EEA1: variants seen among roughly 807,000 people sequenced by gnomAD.
EEA1 encodes the protein early endosome antigen 1.
EEA1 carries 111 observed loss-of-function variants against 209.2 expected under a neutral mutation model. That is an observed-to-expected ratio of 0.53 (90% CI 0.45 to 0.62). The LOEUF is 0.62. EEA1 is among the 20% of genes least tolerant of loss of function. The probability of loss-of-function intolerance (pLI) is 0.00; values close to 1 mark genes in which losing one functional copy is unlikely to be tolerated. For synonymous variants in EEA1, 536 were observed against 540.6 expected (o/e 0.99, Z 0.12); for missense variants, 1,343 against 1,530.8 (o/e 0.88, Z 2.05).
chr12:92,929,234 G>A lies in EEA1; in HGVS notation c.-168C>T. 3.5e-6 allele frequency: 2 copies of A among 574,982 alleles called. No homozygotes were observed. The highest frequency in any genetic ancestry group is 5.8e-6 in the Non-Finnish European group (2 of 343,454). The allele number at this position is 574,982 out of a possible 1,614,324, so 35.6% of individuals were successfully genotyped here. ...TCGGGCGGCCCCGACTTCCCCACAG[G>A]CGGCGAGAGGGAGCACGCGAGAGAG... On this transcript the variant is annotated 5_prime_UTR_variant, in exon 1 of 29. Transcript: ENST00000322349.
intron 21 of EEA1, among the ~76,000 whole-genome samples, chr12:92,790,477 A>G (rs922711461): frequency 5.9e-5 from 9 of 152,232 alleles, no homozygotes; most frequent in Non-Finnish European, 1.0e-4. Flanking sequence ...CGAGAACTTC[A>G]TGACACATGC....
At chr12:92,808,242 G>A (rs979276979) in intron 18 of EEA1, among the ~76,000 whole-genome samples, 1 of 152,060 alleles carries the variant, frequency 6.6e-6, no homozygotes, top group Non-Finnish European at 1.5e-5. Flanking sequence ...TGACTAGAAG[G>A]GCAAGTGAGA....
intron 2 of EEA1, among the ~76,000 whole-genome samples, chr12:92,869,532 C>A (rs950255160): frequency 6.6e-6 from 1 of 150,780 alleles, no homozygotes; most frequent in Non-Finnish European, 1.5e-5. Flanking sequence ...TGACTTGAGG[C>A]CAGGAGTTCT....
rs530112922 is a variant in EEA1, at chr12:92,801,788, G to A, written c.2671-87C>T. The A allele has an allele frequency of 8.5e-5, 72 of 850,898 alleles. 1 individual carries two copies. Among genetic ancestry groups the A allele is most frequent in the South Asian group, 8.3e-4 (32 of 38,492 alleles). 52.7% of individuals were successfully genotyped at this position (850,898 alleles called of 1,614,324 possible). The stretch of plus-strand genomic sequence containing the variant: ...TTTATAACCTTAGTAAGATACACAC[G>A]AAGAAATAAACTAAAATTATGATGA... On this transcript the variant is annotated intron_variant, in intron 19 of 28. Transcript: ENST00000322349.
chr12:92,896,505 T>A (rs1879892196), intron 1 of EEA1, among the ~76,000 whole-genome samples: 1 of 152,170 alleles, frequency 6.6e-6, no homozygotes, highest in Admixed American at 6.5e-5. Context: ...TAAGATGCTA[T>A]CAAACAGCAT....
chr12:92,858,301 G>A (rs2136716129), intron 3 of EEA1: 1 of 745,498 alleles, frequency 1.3e-6, no homozygotes, highest in South Asian at 1.4e-5. Flanking sequence ...ATTACATCCA[G>A]AGCTGCTGTT....
chr12:92,819,734 CTTAACCACGT>C (rs1481709272), intron 13 of EEA1, among the ~76,000 whole-genome samples: 2 of 152,024 alleles, frequency 1.3e-5, no homozygotes, highest in Non-Finnish European at 2.9e-5. Context: ...AAAACTCTCA[CTTAACCACGT>C]TTTTTTTCTA....
Position 92,777,459 on chromosome 12 carries a change from GA to G in EEA1, c.4014+83del. 2.1e-6 allele frequency: 3 copies of G among 1,412,936 alleles called. No homozygotes were observed. The South Asian group carries it at 4.5e-5, about 21-fold the overall frequency. The allele number at this position is 1,412,936 out of a possible 1,614,324, so 87.5% of individuals were successfully genotyped here. On this transcript the variant is annotated intron_variant, in intron 27 of 28. Transcript: ENST00000322349. ...ATTTGAAAGTATTTATAAAACATGAGATTTTTTAAAAGGTAAAAATATGCTT... is the reference window on the plus strand; with the variant it reads ...ATTTGAAAGTATTTATAAAACATGAGTTTTTTAAAAGGTAAAAATATGCTT...
intron 18 of EEA1, among the ~76,000 whole-genome samples, chr12:92,805,277 T>C (rs534127968): frequency 6.6e-6 from 1 of 152,144 alleles, no homozygotes; most frequent in Non-Finnish European, 1.5e-5. Flanking sequence ...AGGCACAAGA[T>C]GCAATTCTAT....
chr12:92,809,523 T>TAAAAAAAAAA (rs57998627), intron 17 of EEA1, among the ~76,000 whole-genome samples: 1 of 107,024 alleles, frequency 9.3e-6, no homozygotes, highest in Non-Finnish European at 1.9e-5. Flanking sequence ...TTATCTCTAC[T>TAAAAAAAAAA]AAAAAAAAAA....
rs752363015 is a variant in EEA1, at chr12:92,778,021, C to T, written c.3813G>A (p.Thr1271=). The T allele has an allele frequency of 1.4e-5, 23 of 1,613,290 alleles. No homozygotes were observed. In the Admixed American group the frequency reaches 3.3e-4, roughly 23 times the overall value. The change falls in exon 26 of 29, where the codon ACG becomes ACA. Residue 1271 remains threonine, a synonymous_variant. Transcript: ENST00000322349. ...CTGCAATTTCACCCCGTAAGTCATC[C>T]GTTTGTTTCTCAAGCTCACTAACTC... ...QRRVSELEKQ[T]DDLRGEIAVL... is the part of the protein sequence containing the mutation.
At chr12:92,884,976 GCAAACATGC>G (rs1490936739) in intron 2 of EEA1, among the ~76,000 whole-genome samples, 2 of 58,924 alleles carry the variant, frequency 3.4e-5, no homozygotes, top group Non-Finnish European at 7.7e-5. Flanking sequence ...TTTTTTTTTT[GCAAACATGC>G]TGTTGATTGC....
chr12:92,809,234 G>T, intron 17 of EEA1, 78 bp from the exon 18 acceptor site: 2 of 1,142,556 alleles, frequency 1.8e-6, no homozygotes, highest in Non-Finnish European at 2.3e-6. Context: ...TAACATTTTT[G>T]TTTATATTCA....
At chr12:92,809,660 A>G (rs1048121889) in intron 17 of EEA1, among the ~76,000 whole-genome samples, 5 of 151,272 alleles carry the variant, frequency 3.3e-5, no homozygotes, top group South Asian at 2.1e-4. Flanking sequence ...GCACCACTAC[A>G]CTCCAGCCTG....
intron 13 of EEA1, 36 bp from the exon 14 acceptor site, chr12:92,819,547 A>G (rs1875951729): frequency 1.4e-6 from 2 of 1,429,336 alleles, no homozygotes; most frequent in East Asian, 4.7e-5. Flanking sequence ...TTAAGAATAG[A>G]GAACTTAAAA....
rs941345049 is a variant in EEA1 at position 92,777,674 on chromosome 12, T to A, written c.3894-11A>T. 6 of 1,608,538 alleles carry A rather than the reference T, an allele frequency of 3.7e-6. No individual in the cohort carries two copies. In the African/African-American group the frequency reaches 6.7e-5, roughly 18 times the overall value. ...TCTCCTTTAAGACATCTGGAATAGA[T>A]TGCAAAGAGGTAATTAATTTTTTAG... On this transcript the variant is annotated splice_polypyrimidine_tract_variant and intron_variant, in intron 26 of 28. Transcript: ENST00000322349.
At chr12:92,885,001 G>GT (rs1879320689) in intron 2 of EEA1, among the ~76,000 whole-genome samples, 1 of 142,436 alleles carries the variant, frequency 7.0e-6, no homozygotes, top group Non-Finnish European at 1.5e-5. Context: ...ATTGCTAAAT[G>GT]TAAGTCTGAT....
In EEA1 at chr12:92,775,996, A is replaced by C. The variant is rs776999900; in HGVS notation, c.*15T>G. ...TAATGTTAGTGTAATATTACTCTGA[A>C]GTTGTGATAACCCATTATCCTTGCA... On this transcript the variant is annotated 3_prime_UTR_variant, in exon 29 of 29. Coordinates refer to ENST00000322349, the MANE Select transcript of EEA1 (RefSeq NM_003566.4). 1.9e-6 allele frequency: 3 copies of C among 1,607,710 alleles called. No homozygotes were observed. Among genetic ancestry groups the C allele is most frequent in the Non-Finnish European group, 2.5e-6 (3 of 1,176,574 alleles).
chr12:92,851,006 T>A, intron 9 of EEA1, 105 bp downstream of exon 9: 4 of 1,063,542 alleles, frequency 3.8e-6, no homozygotes, highest in Non-Finnish European at 5.3e-6. Flanking sequence ...GAAAGACAAA[T>A]ATTTTGATAG....
Sources: gnomAD v4.1 joint callset for allele counts (sites outside exome capture counted in the v4.1 genomes callset) on GRCh38, gnomAD v4.1.1 for gene constraint, MANE v1.5 for transcripts, NCBI Gene and HGNC (gene_info 2026-07-23, HGNC 2026-07-21) for gene names.